SVEP1: variants seen among roughly 807,000 people sequenced by gnomAD.
The protein encoded by SVEP1 is sushi, von Willebrand factor type A, EGF and pentraxin domain containing 1, also known as sushi, von Willebrand factor type A, EGF and pentraxin domain-containing protein 1.
A neutral mutation model predicts 367.3 loss-of-function variants in SVEP1; 164 were observed. The ratio of observed to expected loss-of-function variants is 0.45; its 90% CI spans 0.39 to 0.51. The LOEUF is 0.51. Among genes scored for constraint, SVEP1 ranks in the 20% least tolerant of loss-of-function variants. The probability of loss-of-function intolerance (pLI) is 0.00; values close to 1 mark genes in which losing one functional copy is unlikely to be tolerated. For synonymous variants in SVEP1, 1,666 were observed against 1,611.6 expected (o/e 1.03, Z -0.81); for missense variants, 4,117 against 4,425.3 (o/e 0.93, Z 1.98).
chr9:110,530,738 T>C (rs971920908), intron 3 of SVEP1, among the ~76,000 whole-genome samples: 2 of 152,076 alleles, frequency 1.3e-5, no homozygotes, highest in South Asian at 2.1e-4. Flanking sequence ...GGTCTCACCA[T>C]GTTGCCCAGG....
chr9:110,504,639 C>T (rs1376499508), intron 5 of SVEP1, among the ~76,000 whole-genome samples: 1 of 152,128 alleles, frequency 6.6e-6, no homozygotes, highest in Non-Finnish European at 1.5e-5. Context: ...CCTTAATTGG[C>T]TTAACACATT....
chr9:110,413,632 T>C (rs1412110278), intron 36 of SVEP1, among the ~76,000 whole-genome samples: 1 of 152,036 alleles, frequency 6.6e-6, no homozygotes, highest in Non-Finnish European at 1.5e-5. Context: ...TTCCCAGTCG[T>C]TATGCACAGA....
chr9:110,571,034 T>C (rs1481688187), intron 1 of SVEP1, among the ~76,000 whole-genome samples: 1 of 145,128 alleles, frequency 6.9e-6, no homozygotes, highest in African/African-American at 2.5e-5. Context: ...TGGAGTTCAA[T>C]GACGCGATCT....
chr9:110,568,140 C>A (rs10980449), intron 1 of SVEP1, among the ~76,000 whole-genome samples: 16,517 of 152,156 alleles, frequency 0.11, 1,097 homozygotes, highest in East Asian at 0.3. Flanking sequence ...ACTAGGACCA[C>A]CTCCCAGATA....
At chr9:110,567,559 G>A (rs997521949) in intron 1 of SVEP1, among the ~76,000 whole-genome samples, 1 of 152,226 alleles carries the variant, frequency 6.6e-6, no homozygotes, top group African/African-American at 2.4e-5. Context: ...GCTGGCCCAT[G>A]TGTGAGTTCT....
intron 14 of SVEP1, among the ~76,000 whole-genome samples, chr9:110,474,934 T>G (rs933059957): frequency 6.6e-6 from 1 of 151,450 alleles, no homozygotes; most frequent in Non-Finnish European, 1.5e-5. Flanking sequence ...AGCATCAGTA[T>G]ATACACAATA....
chr9:110,465,923 C>G lies in SVEP1; in HGVS notation c.3264G>C (p.Ser1088=), dbSNP rs757854629. Residue 1088 remains serine, a synonymous_variant, in exon 18 of 48, where the codon TCG becomes TCC. Coordinates refer to ENST00000374469, the MANE Select transcript of SVEP1 (RefSeq NM_153366.4). ...QPKFGSRSCL[S]CPENTSTVKR... ...TCACAGTTGAGGTGTTTTCTGGACA[C>G]GAGAGGCAGCTCCGGGAACCAAATT... 16 of 1,612,648 alleles carry G rather than the reference C, an allele frequency of 9.9e-6. No individual in the cohort carries two copies. The highest frequency in any genetic ancestry group is 2.7e-5 in the African/African-American group (2 of 74,870).
At chr9:110,518,158 C>G (rs2118786934) in intron 3 of SVEP1, among the ~76,000 whole-genome samples, 1 of 152,188 alleles carries the variant, frequency 6.6e-6, no homozygotes, top group Non-Finnish European at 1.5e-5. Flanking sequence ...CACGGTGGCT[C>G]ACATCTGTAA....
chr9:110,390,025 G>T, intron 40 of SVEP1, among the ~76,000 whole-genome samples: 1 of 105,052 alleles, frequency 9.5e-6, no homozygotes. Context: ...GTGTGTGTGT[G>T]TGTATATATA....
At chr9:110,527,388 TTTTTA>T (rs1829952887) in intron 3 of SVEP1, among the ~76,000 whole-genome samples, 2 of 151,984 alleles carry the variant, frequency 1.3e-5, no homozygotes, top group African/African-American at 4.8e-5. Context: ...TTTTAAAGGA[TTTTTA>T]TTTTTTCTTT....
intron 1 of SVEP1, among the ~76,000 whole-genome samples, chr9:110,554,300 A>G (rs1475505754): frequency 6.6e-6 from 1 of 152,078 alleles, no homozygotes; most frequent in African/African-American, 2.4e-5. Context: ...TTCTTCACTA[A>G]AATGTTTCTA....
In SVEP1 at chr9:110,392,133, T is replaced by TTTTATATATATATATATA. The variant is rs1554710906; in HGVS notation, c.9823-2547_9823-2546insTATATATATATATATAAA. 3.0e-4 allele frequency among the ~76,000 whole-genome samples: 30 copies of TTTTATATATATATATATA among 99,654 alleles called. 2 individuals carry two copies. The East Asian group carries it at 3.7e-3, about 12-fold the overall frequency. The allele number at this position is 99,654 out of a possible 152,430, so 65.4% of individuals were successfully genotyped here. On this transcript the variant is annotated intron_variant, in intron 40 of 47. Transcript: ENST00000374469. ...CATTAACTTGTGACCCAATTCCTCA[T>TTTTATATATATATATATA]TATATATATATATATATATATCTCT...
At chr9:110,546,052 T>G in intron 3 of SVEP1, 63 bp downstream of exon 3, 2 of 1,523,254 alleles carry the variant, frequency 1.3e-6, no homozygotes, top group Non-Finnish European at 1.8e-6. Flanking sequence ...TTATAGCCAT[T>G]GCATTTTAGA....
chr9:110,535,210 G>A (rs1024369739), intron 3 of SVEP1, among the ~76,000 whole-genome samples: 8 of 152,032 alleles, frequency 5.3e-5, no homozygotes, highest in Non-Finnish European at 1.2e-4. Flanking sequence ...ATAAGAAAGG[G>A]ATTCTGTTTC....
chr9:110,429,707 G>A (rs1828321696), intron 34 of SVEP1, among the ~76,000 whole-genome samples: 1 of 152,098 alleles, frequency 6.6e-6, no homozygotes, highest in Non-Finnish European at 1.5e-5. Context: ...GGTAATGATA[G>A]ATTATTGGTC....
chr9:110,466,224 T>C lies in SVEP1; in HGVS notation c.3161-198A>G, dbSNP rs150246887. ...CTTCTCTATACTAAGTTTTAGACTG[T>C]TTCCATTTACTTCCATTATGACCTT... On this transcript the variant is annotated intron_variant, in intron 17 of 47. Coordinates refer to ENST00000374469, the MANE Select transcript of SVEP1 (RefSeq NM_153366.4). Among the ~76,000 whole-genome samples, 3 of 152,296 alleles carry C rather than the reference T, an allele frequency of 2.0e-5. No homozygotes were observed. In the East Asian group the frequency reaches 5.8e-4, roughly 29 times the overall value.
intron 6 of SVEP1, among the ~76,000 whole-genome samples, chr9:110,501,325 A>G (rs1398146573): frequency 6.6e-6 from 1 of 151,650 alleles, no homozygotes; most frequent in Non-Finnish European, 1.5e-5. Flanking sequence ...TTATTCTGAC[A>G]TATTTTATAT....
At chr9:110,485,103 T>C (rs1475995787) in intron 9 of SVEP1, among the ~76,000 whole-genome samples, 1 of 152,178 alleles carries the variant, frequency 6.6e-6, no homozygotes, top group Non-Finnish European at 1.5e-5. Flanking sequence ...CAAAGGAACA[T>C]AAATCATTCT....
chr9:110,448,880 C>T (rs1828647446), intron 24 of SVEP1, among the ~76,000 whole-genome samples: 1 of 152,126 alleles, frequency 6.6e-6, no homozygotes, highest in Admixed American at 6.6e-5. Context: ...GGCAGAGTTG[C>T]CTTCTTATTT....
Sources: gnomAD v4.1 joint callset for allele counts (sites outside exome capture counted in the v4.1 genomes callset) on GRCh38, gnomAD v4.1.1 for gene constraint, MANE v1.5 for transcripts, NCBI Gene and HGNC (gene_info 2026-07-23, HGNC 2026-07-21) for gene names.